SBF2: variants seen among roughly 807,000 people sequenced by gnomAD.
SBF2 encodes the protein myotubularin-related protein 13.
A neutral mutation model predicts 225.2 loss-of-function variants in SBF2; 112 were observed. The ratio of observed to expected loss-of-function variants is 0.50; its 90% CI spans 0.43 to 0.58. The LOEUF is 0.58. Ranked by LOEUF, SBF2 falls within the 20% of genes least tolerant of loss-of-function variation. SBF2 has a pLI of 0.00. For missense variants in SBF2, 1,996 were observed against 2,206.2 expected, an observed-to-expected ratio of 0.90 and a Z score of 1.91; for synonymous variants, 763 against 773.3, an observed-to-expected ratio of 0.99 and a Z score of 0.22.
At chr11:9,897,509 G>A (rs1861362981) in intron 16 of SBF2, among the ~76,000 whole-genome samples, 2 of 152,040 alleles carry the variant, frequency 1.3e-5, no homozygotes, top group African/African-American at 2.4e-5. Context: ...CACCATGCCC[G>A]GCGGATAGAT....
chr11:9,840,394 T>C (rs147739634), intron 25 of SBF2, among the ~76,000 whole-genome samples: 1 of 152,202 alleles, frequency 6.6e-6, no homozygotes, highest in African/African-American at 2.4e-5. Flanking sequence ...TAAACATAAA[T>C]TAAAAGTGTA....
chr11:10,196,625 C>T (rs942232260), intron 1 of SBF2, among the ~76,000 whole-genome samples: 67 of 151,826 alleles, frequency 4.4e-4, no homozygotes, highest in Non-Finnish European at 2.4e-4. Flanking sequence ...GCAATCCACC[C>T]GCCTCAGCCT....
intron 2 of SBF2, among the ~76,000 whole-genome samples, chr11:10,111,019 G>A (rs934190384): frequency 6.6e-6 from 1 of 152,018 alleles, no homozygotes; most frequent in African/African-American, 2.4e-5. Flanking sequence ...TGAAACAGTA[G>A]CTAGTCATAT....
At chr11:10,108,083 T>G (rs944437640) in intron 2 of SBF2, among the ~76,000 whole-genome samples, 1 of 152,178 alleles carries the variant, frequency 6.6e-6, no homozygotes, top group Non-Finnish European at 1.5e-5. Context: ...ATACGCTTTG[T>G]GACAAGAATA....
chr11:10,301,892 A>T (rs1964601812), intron 1 of SBF2, among the ~76,000 whole-genome samples: 1 of 152,260 alleles, frequency 6.6e-6, no homozygotes, highest in Non-Finnish European at 1.5e-5. Context: ...CAGGATGTAC[A>T]CATTTATTAC....
chr11:10,182,717 C>T lies in SBF2; in HGVS notation c.141+11185G>A, dbSNP rs553880648. 9.9e-5 allele frequency among the ~76,000 whole-genome samples: 15 copies of T among 151,934 alleles called. No individual in the cohort carries two copies. In the East Asian group the frequency reaches 2.7e-3, roughly 27 times the overall value. The stretch of plus-strand genomic sequence containing the variant: ...TACAGGCAAGCACCACCATGTCCAG[C>T]TAATTTTTCTATGTCTTTTTGTTGT... On this transcript the variant is annotated intron_variant, in intron 2 of 39. Coordinates refer to ENST00000256190, the MANE Select transcript of SBF2 (RefSeq NM_030962.4).
intron 7 of SBF2, among the ~76,000 whole-genome samples, chr11:10,001,360 T>C (rs889024872): frequency 3.9e-5 from 6 of 152,172 alleles, no homozygotes; most frequent in South Asian, 2.1e-4. Flanking sequence ...GACTCTCTGA[T>C]AGGGCCTCCC....
chr11:10,244,231 T>A (rs1188169568), intron 1 of SBF2, among the ~76,000 whole-genome samples: 1 of 152,004 alleles, frequency 6.6e-6, no homozygotes, highest in Non-Finnish European at 1.5e-5. Flanking sequence ...TTCTTCCTTA[T>A]ATTTTCTTCT....
chr11:10,043,877 C>CA (rs1301693176), intron 2 of SBF2, among the ~76,000 whole-genome samples: 1 of 152,068 alleles, frequency 6.6e-6, no homozygotes, highest in African/African-American at 2.4e-5. Flanking sequence ...CCCAGCCAAA[C>CA]AATACTTTTT....
At chr11:10,049,448 AAT>A (rs1949985337) in intron 2 of SBF2, among the ~76,000 whole-genome samples, 1 of 152,212 alleles carries the variant, frequency 6.6e-6, no homozygotes, top group East Asian at 1.9e-4. Flanking sequence ...TTCTACTGAA[AAT>A]ATAAAAATTA....
chr11:9,900,346 C>G (rs1861624554), intron 16 of SBF2, among the ~76,000 whole-genome samples: 1 of 152,152 alleles, frequency 6.6e-6, no homozygotes, highest in Admixed American at 6.6e-5. Context: ...CTGCTCCACC[C>G]TGACTCATTC....
intron 13 of SBF2, among the ~76,000 whole-genome samples, chr11:9,978,766 C>T (rs556272939): frequency 3.3e-5 from 5 of 152,248 alleles, no homozygotes; most frequent in East Asian, 1.9e-4. Flanking sequence ...TTGGCCGAGG[C>T]GAGTGGATCC....
At chr11:10,215,693 T>G (rs1484509141) in intron 1 of SBF2, among the ~76,000 whole-genome samples, 1 of 152,200 alleles carries the variant, frequency 6.6e-6, no homozygotes, top group African/African-American at 2.4e-5. Context: ...CTTACTACAA[T>G]GAATCCATAT....
chr11:9,845,679 T>A lies in SBF2; in HGVS notation c.2996A>T (p.Gln999Leu). Residue 999 changes from glutamine (Q) to leucine (L), a missense_variant, in exon 24 of 40, where the codon CAG becomes CTG. Gln to Leu is a moderately radical substitution (Grantham distance 113). Transcript: ENST00000256190. ...SPEVVEIFKK[Q>L]LMKFRYPQSI... is the part of the protein sequence containing the mutation. ...CTGAGGATAACGGAACTTCATCAGC[T>A]GTTTCTTAAAGATCTCTACTACTTC... 1 of 1,613,946 alleles carries A rather than the reference T, an allele frequency of 6.2e-7. No homozygotes were observed. The highest frequency in any genetic ancestry group is 2.2e-5 in the East Asian group (1 of 44,874).
chr11:10,299,781 C>T (rs1420705146), intron 1 of SBF2, among the ~76,000 whole-genome samples: 2 of 152,184 alleles, frequency 1.3e-5, no homozygotes, highest in Admixed American at 6.5e-5. Flanking sequence ...GTACCACCAC[C>T]GTGCTGCTTC....
At position 9,808,927 on chromosome 11, in the gene SBF2, C is replaced by G; in HGVS notation, c.4231G>C (p.Glu1411Gln). 1 of 1,613,866 alleles carries G rather than the reference C, an allele frequency of 6.2e-7. No individual in the cohort carries two copies. Among genetic ancestry groups the G allele is most frequent in the Non-Finnish European group, 8.5e-7 (1 of 1,179,758 alleles). ...TGTGCAGTGATGTCCCAGCCTTCCT[C>G]CAAACAGACCAAAACTGAGGAACCA... is the stretch of plus-strand genomic sequence containing the variant. Reference protein sequence around the residue: ...ENGSSVLVCLEEGWDITAQVT... With the variant: ...ENGSSVLVCLQEGWDITAQVT... Residue 1411 changes from glutamate to glutamine, a missense_variant, in exon 31 of 40, where the codon GAG becomes CAG. Physicochemically the swap from Glu to Gln is conservative, Grantham distance 29. Transcript: ENST00000256190.
chr11:9,976,595 G>T (rs1324739610), intron 13 of SBF2, among the ~76,000 whole-genome samples: 1 of 151,890 alleles, frequency 6.6e-6, no homozygotes, highest in African/African-American at 2.4e-5. Context: ...GCAACAAAGC[G>T]AGACACCACC....
At chr11:10,123,392 G>A (rs1953574301) in intron 2 of SBF2, among the ~76,000 whole-genome samples, 1 of 152,020 alleles carries the variant, frequency 6.6e-6, no homozygotes, top group African/African-American at 2.4e-5. Flanking sequence ...TACTTTATCT[G>A]TCTTTAACAT....
chr11:9,951,334 G>A (rs540257236), intron 16 of SBF2, among the ~76,000 whole-genome samples: 116 of 152,320 alleles, frequency 7.6e-4, no homozygotes, highest in African/African-American at 2.6e-3. Context: ...TGAAATATAC[G>A]AGTATCACTT....
Sources: allele counts gnomAD v4.1 joint callset (sites outside exome capture counted in the v4.1 genomes callset), GRCh38; gene constraint gnomAD v4.1.1; transcripts MANE v1.5; gene names NCBI Gene and HGNC (gene_info 2026-07-23, HGNC 2026-07-21).